The following IKZF1 variants were observed in gnomAD, a reference collection of about 807,000 sequenced individuals.
The protein encoded by IKZF1 is IKAROS family zinc finger 1.
Under a neutral mutation model 51.7 loss-of-function variants are expected in IKZF1, and 10 were observed. The observed-to-expected ratio is 0.19, with a 90% CI of 0.12 to 0.33. The LOEUF (loss-of-function observed/expected upper bound fraction) is 0.33, where lower values mean the gene tolerates loss of function less well. Among genes scored for constraint, IKZF1 ranks in the 10% least tolerant of loss-of-function variants. The pLI is 1.00. For missense variants in IKZF1, 484 were observed against 707.5 expected (o/e 0.68, Z 3.58); for synonymous variants, 280 against 282.3 (o/e 0.99, Z 0.08).
At chr7:50,357,386 G>GC (rs896830987) in intron 3 of IKZF1, among the ~76,000 whole-genome samples, 11 of 109,920 alleles carry the variant, frequency 1.0e-4, no homozygotes, top group Non-Finnish European at 2.0e-4. Context: ...CCCTGCTGTA[G>GC]CCCCCCACCT....
chr7:50,335,719 A>G (rs1179270732), intron 3 of IKZF1, among the ~76,000 whole-genome samples: 2 of 144,914 alleles, frequency 1.4e-5, no homozygotes, highest in South Asian at 2.2e-4. Context: ...TGTGCTGTGT[A>G]TATGTTTATG....
chr7:50,369,269 G>A (rs1807937388), intron 3 of IKZF1: 1 of 368,604 alleles, frequency 2.7e-6, no homozygotes, highest in Non-Finnish European at 4.8e-6. Flanking sequence ...ATGCACTTGA[G>A]AGTAAGCTAA....
chr7:50,370,437 C>A (rs1808322556), intron 3 of IKZF1, among the ~76,000 whole-genome samples: 1 of 152,218 alleles, frequency 6.6e-6, no homozygotes, highest in Non-Finnish European at 1.5e-5. Context: ...ATCTGAGTTC[C>A]TTGGATTCTC....
At chr7:50,398,997 G>A (rs6973210) in intron 7 of IKZF1, among the ~76,000 whole-genome samples, 37,605 of 152,088 alleles carry the variant, frequency 0.25, 4,873 homozygotes, top group South Asian at 0.3. Flanking sequence ...CTAGGCTCTG[G>A]TTTCACCATT....
chr7:50,378,377 G>A (rs903252480), intron 4 of IKZF1, among the ~76,000 whole-genome samples: 1 of 152,070 alleles, frequency 6.6e-6, no homozygotes, highest in Admixed American at 6.5e-5. Flanking sequence ...TCCCAGCCTC[G>A]CCTTTGTAAT....
chr7:50,385,743 A>G (rs1813193823), intron 5 of IKZF1, among the ~76,000 whole-genome samples: 1 of 152,272 alleles, frequency 6.6e-6, no homozygotes, highest in African/African-American at 2.4e-5. Context: ...TTTTCAGGAA[A>G]GGGTATCGAG....
Position 50,321,383 on chromosome 7 carries a change from G to A in IKZF1, c.40+2282G>A, listed in dbSNP as rs76523409. Among the ~76,000 whole-genome samples the A allele has an allele frequency of 9.9e-3, 1,507 of 152,274 alleles. 30 individuals are homozygous for A. The highest frequency in any genetic ancestry group is 0.034 in the African/African-American group (1,433 of 41,542). ...CCTCTCACTGCAGCCTCAGAGAGCT[G>A]GTCTGGGAAACACTGGTAGATGAGG... On this transcript the variant is annotated intron_variant, in intron 2 of 7. Coordinates refer to ENST00000331340, the MANE Select transcript of IKZF1 (RefSeq NM_006060.6).
chr7:50,327,489 A>G (rs571653748), intron 2 of IKZF1, 149 bp from the exon 3 acceptor site: 19 of 861,880 alleles, frequency 2.2e-5, no homozygotes, highest in Non-Finnish European at 2.9e-5. Context: ...TTTTTTATAA[A>G]AAGAAAAAGG....
At chr7:50,387,925 G>A (rs1000482693) in intron 6 of IKZF1, among the ~76,000 whole-genome samples, 2 of 152,202 alleles carry the variant, frequency 1.3e-5, no homozygotes, top group African/African-American at 4.8e-5. Context: ...AGTTCAGACT[G>A]AGGGCAGGGT....
intron 3 of IKZF1, among the ~76,000 whole-genome samples, chr7:50,350,096 G>T (rs557096714): frequency 7.9e-5 from 12 of 152,274 alleles, no homozygotes; most frequent in Non-Finnish European, 1.6e-4. Context: ...GCAGCCCCGG[G>T]GTGGGCCTTG....
intron 3 of IKZF1, among the ~76,000 whole-genome samples, chr7:50,374,353 G>A (rs369976570): frequency 1.3e-5 from 2 of 152,168 alleles, no homozygotes; most frequent in African/African-American, 4.8e-5. Context: ...ACCTTCAGGA[G>A]TCTCAGAACT....
chr7:50,392,083 G>A (rs1225609543), intron 7 of IKZF1, among the ~76,000 whole-genome samples: 2 of 152,202 alleles, frequency 1.3e-5, no homozygotes, highest in Non-Finnish European at 2.9e-5. Context: ...TGATTTTGCA[G>A]CATCTGGGGC....
chr7:50,362,662 C>T (rs1391980080), intron 3 of IKZF1, among the ~76,000 whole-genome samples: 1 of 152,120 alleles, frequency 6.6e-6, no homozygotes, highest in Admixed American at 6.5e-5. Flanking sequence ...AATAATATTA[C>T]CTGCTGAGAA....
chr7:50,340,222 A>C (rs1288667545), intron 3 of IKZF1, among the ~76,000 whole-genome samples: 1 of 152,236 alleles, frequency 6.6e-6, no homozygotes, highest in African/African-American at 2.4e-5. Flanking sequence ...TAACTCCATT[A>C]ACTGAAGAGC....
At chr7:50,323,142 A>G (rs1262063094) in intron 2 of IKZF1, among the ~76,000 whole-genome samples, 1 of 152,226 alleles carries the variant, frequency 6.6e-6, no homozygotes, top group Non-Finnish European at 1.5e-5. Context: ...TATTTACCAA[A>G]CATTACCCAA....
intron 2 of IKZF1, among the ~76,000 whole-genome samples, chr7:50,323,691 G>A (rs746123524): frequency 8.5e-5 from 13 of 152,128 alleles, no homozygotes; most frequent in Non-Finnish European, 1.8e-4. Context: ...AACACTTGAT[G>A]TCTTGCTGTC....
At position 50,402,820 on chromosome 7, in the gene IKZF1, A is replaced by G. The variant is rs924210956; in HGVS notation, c.*2193A>G. ...GGGAATAAACAAAATTGCTGCACCA[A>G]TGCACTGAGTGAAGGAAGAGAGACA... is the stretch of plus-strand genomic sequence containing the variant. On this transcript the variant is annotated 3_prime_UTR_variant, in exon 8 of 8. Transcript: ENST00000331340. The G allele has an allele frequency of 1.7e-5, 4 of 230,132 alleles. No individual in the cohort carries two copies. The highest frequency in any genetic ancestry group is 3.4e-5 in the Non-Finnish European group (4 of 116,070). 14.3% of individuals were successfully genotyped at this position (230,132 alleles called of 1,614,324 possible). A position where few individuals can be genotyped will look rare whatever the true frequency, so the allele number is the denominator to read the frequency against.
At chr7:50,334,841 G>C (rs1377042190) in intron 3 of IKZF1, among the ~76,000 whole-genome samples, 1 of 150,576 alleles carries the variant, frequency 6.6e-6, no homozygotes, top group Non-Finnish European at 1.5e-5. Context: ...GGGATATGTG[G>C]TGTGTATGTG....
At chr7:50,356,297 G>A (rs1803352840) in intron 3 of IKZF1, among the ~76,000 whole-genome samples, 2 of 152,198 alleles carry the variant, frequency 1.3e-5, no homozygotes, top group Admixed American at 6.5e-5. Context: ...TCTGGATCTA[G>A]TACCCTGTGG....
Sources: allele counts gnomAD v4.1 joint callset (sites outside exome capture counted in the v4.1 genomes callset), GRCh38; gene constraint gnomAD v4.1.1; transcripts MANE v1.5; gene names NCBI Gene and HGNC (gene_info 2026-07-23, HGNC 2026-07-21).